The following TRMT1L variants were observed in gnomAD, a reference collection of about 807,000 sequenced individuals.
The protein encoded by TRMT1L is tRNA methyltransferase 1L, also known as tRNA (guanine(27)-N(2))-dimethyltransferase.
A neutral mutation model predicts 81.6 loss-of-function variants in TRMT1L; 28 were observed. The ratio of observed to expected loss-of-function variants is 0.34; its 90% CI spans 0.25 to 0.47. The LOEUF is 0.47. Among genes scored for constraint, TRMT1L ranks in the 20% least tolerant of loss-of-function variants. TRMT1L has a pLI of 1.00. For synonymous variants in TRMT1L, 301 were observed against 303.2 expected (o/e 0.99, Z 0.07); for missense variants, 739 against 877.1 (o/e 0.84, Z 1.99).
chr1:185,150,962 A>T (rs934354442), intron 2 of TRMT1L, among the ~76,000 whole-genome samples: 2 of 152,208 alleles, frequency 1.3e-5, no homozygotes, highest in Non-Finnish European at 2.9e-5. Flanking sequence ...GGAAGAAGGA[A>T]GTGGAAGGAA....
chr1:185,136,701 G>A (rs1469812807), intron 10 of TRMT1L, among the ~76,000 whole-genome samples: 1 of 152,088 alleles, frequency 6.6e-6, no homozygotes, highest in Non-Finnish European at 1.5e-5. Flanking sequence ...TGCCATCACA[G>A]ATATTAAATG....
chr1:185,140,299 G>T, intron 7 of TRMT1L, 77 bp from the exon 8 acceptor site: 2 of 1,144,330 alleles, frequency 1.7e-6, no homozygotes, highest in Non-Finnish European at 2.4e-6. Context: ...ACAACATTCA[G>T]TTTTATAAAT....
intron 11 of TRMT1L, among the ~76,000 whole-genome samples, chr1:185,128,368 T>C (rs1399953159): frequency 6.6e-6 from 1 of 152,240 alleles, no homozygotes; most frequent in Non-Finnish European, 1.5e-5. Context: ...TCTACAATGA[T>C]CAATTTTAAA....
chr1:185,131,734 T>C (rs376352982), intron 10 of TRMT1L, among the ~76,000 whole-genome samples: 2 of 152,142 alleles, frequency 1.3e-5, no homozygotes, highest in South Asian at 4.1e-4. Flanking sequence ...ATGAACCGTA[T>C]AGATATTTTA....
chr1:185,123,496 T>C (rs563187661), intron 13 of TRMT1L, among the ~76,000 whole-genome samples: 225 of 152,242 alleles, frequency 1.5e-3, no homozygotes, highest in Middle Eastern at 3.4e-3. Flanking sequence ...TAAATGGAAT[T>C]GCTATAAATC....
At position 185,156,374 on chromosome 1, in the gene TRMT1L, G is replaced by T. The variant is rs185513868; in HGVS notation, c.235+104C>A. 101 of 1,611,022 alleles carry T rather than the reference G, an allele frequency of 6.3e-5. No individual in the cohort carries two copies. In the African/African-American group the frequency reaches 1.2e-3, roughly 20 times the overall value. ...TCCTCCCCACCATTTTCCTAAACCT[G>T]CCTTGCCCCATAAAAACCATCCCGG... On this transcript the variant is annotated intron_variant, in intron 1 of 14. Coordinates refer to ENST00000367506, the MANE Select transcript of TRMT1L (RefSeq NM_030934.5).
chr1:185,127,982 C>T (rs536459677), intron 11 of TRMT1L, among the ~76,000 whole-genome samples: 15 of 151,430 alleles, frequency 9.9e-5, no homozygotes, highest in South Asian at 6.3e-4. Context: ...GGTGTTGTGG[C>T]GGGTGCCTGT....
At chr1:185,147,956 T>C (rs1220803243) in intron 3 of TRMT1L, among the ~76,000 whole-genome samples, 1 of 152,176 alleles carries the variant, frequency 6.6e-6, no homozygotes, top group Non-Finnish European at 1.5e-5. Flanking sequence ...TTATCTTACA[T>C]TAGGTCTCTT....
At chr1:185,151,531 T>G (rs1653349810) in intron 2 of TRMT1L, among the ~76,000 whole-genome samples, 1 of 152,202 alleles carries the variant, frequency 6.6e-6, no homozygotes, top group South Asian at 2.1e-4. Flanking sequence ...CTTAAGACAC[T>G]GTTTTTTGGG....
rs1156554682 is a variant in TRMT1L at position 185,126,373 on chromosome 1, C to G, written c.1593-1263G>C. Among the ~76,000 whole-genome samples the G allele has an allele frequency of 2.0e-5, 3 of 152,276 alleles. No individual in the cohort carries two copies. In the East Asian group the frequency reaches 5.8e-4, roughly 29 times the overall value. On this transcript the variant is annotated intron_variant, in intron 11 of 14. Transcript: ENST00000367506. ...GCACTGGCGCAATCTCAGCCCACTG[C>G]ATGCTCTGCCTCCCGGGTTCACGAC...
intron 5 of TRMT1L, among the ~76,000 whole-genome samples, chr1:185,144,928 A>C (rs1653149949): frequency 6.6e-6 from 1 of 151,798 alleles, no homozygotes; most frequent in Non-Finnish European, 1.5e-5. Flanking sequence ...TCAATTCTTA[A>C]AGGAATGGTA....
chr1:185,118,350 G>T lies in TRMT1L; in HGVS notation c.*1669C>A, dbSNP rs988380011. Reference sequence around the variant, plus strand: ...AAATTAATATACACATATATTTTAGGTAACAGTAATTTACAGGTTTCTTTA... The same window carrying T: ...AAATTAATATACACATATATTTTAGTTAACAGTAATTTACAGGTTTCTTTA... On this transcript the variant is annotated 3_prime_UTR_variant, in exon 15 of 15. Coordinates refer to ENST00000367506, the MANE Select transcript of TRMT1L (RefSeq NM_030934.5). 1 of 151,824 alleles carries T rather than the reference G, an allele frequency of 6.6e-6. No homozygotes were observed. The highest frequency in any genetic ancestry group is 2.4e-5 in the African/African-American group (1 of 41,302). 9.4% of individuals were successfully genotyped at this position (151,824 alleles called of 1,614,324 possible). A position where few individuals can be genotyped will look rare whatever the true frequency, so the allele number is the denominator to read the frequency against.
intron 9 of TRMT1L, 85 bp from the exon 10 acceptor site, chr1:185,137,881 A>G (rs922713007): frequency 1.5e-6 from 2 of 1,323,152 alleles, no homozygotes; most frequent in Non-Finnish European, 2.1e-6. Context: ...CCTGGACAGT[A>G]TACTATGGAT....
chr1:185,129,020 T>C (rs914855713), intron 10 of TRMT1L, among the ~76,000 whole-genome samples: 7 of 152,112 alleles, frequency 4.6e-5, no homozygotes, highest in Non-Finnish European at 1.0e-4. Context: ...AAAATCTCAA[T>C]TATACAGATC....
intron 5 of TRMT1L, 64 bp from the exon 6 acceptor site, chr1:185,144,093 A>C (rs1413001494): frequency 1.9e-5 from 27 of 1,422,124 alleles, no homozygotes; most frequent in Middle Eastern, 3.8e-4. Flanking sequence ...AAAGATTTCC[A>C]AGAAAACACA....
At position 185,125,125 on chromosome 1, in the gene TRMT1L, A is replaced by G. The variant is rs960875919; in HGVS notation, c.1593-15T>C. On this transcript the variant is annotated splice_polypyrimidine_tract_variant and intron_variant, in intron 11 of 14. Transcript: ENST00000367506. ...GGGAACTTGACCTGAAAAGAAAAGA[A>G]TATACAGAGAACTGGGTTTGAAAAA... 3 of 1,584,314 alleles carry G rather than the reference A, an allele frequency of 1.9e-6. No individual in the cohort carries two copies. The highest frequency in any genetic ancestry group is 3.6e-5 in the Admixed American group (2 of 55,860).
intron 4 of TRMT1L, 101 bp from the exon 5 acceptor site, chr1:185,145,669 T>C (rs1000425304): frequency 4.4e-6 from 5 of 1,125,802 alleles, no homozygotes; most frequent in African/African-American, 1.6e-5. Context: ...TTTAATGGTA[T>C]AGAAGATAAT....
chr1:185,156,909 A>T lies in TRMT1L; in HGVS notation c.-197T>A. ...TAGTAGAAAACAGAAAGCCAGAGGC[A>T]GCGATTCCAGATGCCCGTCCGCTTC... On this transcript the variant is annotated 5_prime_UTR_variant, in exon 1 of 15. Coordinates refer to ENST00000367506, the MANE Select transcript of TRMT1L (RefSeq NM_030934.5). 1.4e-6 allele frequency: 1 copy of T among 728,290 alleles called. No individual in the cohort carries two copies. Among genetic ancestry groups the T allele is most frequent in the Non-Finnish European group, 2.1e-6 (1 of 475,196 alleles). The allele number at this position is 728,290 out of a possible 1,614,324, so 45.1% of individuals were successfully genotyped here. A position where few individuals can be genotyped will look rare whatever the true frequency, so the allele number is the denominator to read the frequency against.
intron 10 of TRMT1L, among the ~76,000 whole-genome samples, chr1:185,136,726 C>G (rs550649586): frequency 6.6e-6 from 1 of 152,214 alleles, no homozygotes; most frequent in South Asian, 2.1e-4. Flanking sequence ...TGAAAAGCCT[C>G]TATAGTCAAA....
Sources: allele counts gnomAD v4.1 joint callset (sites outside exome capture counted in the v4.1 genomes callset), GRCh38; gene constraint gnomAD v4.1.1; transcripts MANE v1.5; gene names NCBI Gene and HGNC (gene_info 2026-07-23, HGNC 2026-07-21).